The following ZFAND3 variants were observed in gnomAD, a reference collection of about 807,000 sequenced individuals.
ZFAND3 encodes zinc finger AN1-type containing 3, also known as AN1-type zinc finger protein 3.
Under a neutral mutation model 29.6 loss-of-function variants are expected in ZFAND3, and 10 were observed. That is an observed-to-expected ratio of 0.34 (90% confidence interval 0.21 to 0.57). The LOEUF is 0.57. ZFAND3 is among the 20% of genes least tolerant of loss of function. The probability of loss-of-function intolerance (pLI) is 0.86; values close to 1 mark genes in which losing one functional copy is unlikely to be tolerated. For missense variants in ZFAND3, 230 were observed against 304.5 expected, an observed-to-expected ratio of 0.76 and a Z score of 1.82; for synonymous variants, 128 against 112.6, an observed-to-expected ratio of 1.14 and a Z score of -0.87.
chr6:37,884,494 CAAAAAAA>C (rs58015486), intron 1 of ZFAND3, among the ~76,000 whole-genome samples: 2 of 53,840 alleles, frequency 3.7e-5, no homozygotes, highest in African/African-American at 1.1e-4. Context: ...AACTCTAGCT[CAAAAAAA>C]AAAAAAAAAA....
intron 5 of ZFAND3, among the ~76,000 whole-genome samples, chr6:38,138,736 A>G (rs74958299): frequency 0.067 from 10,264 of 152,314 alleles, 416 homozygotes; most frequent in Non-Finnish European, 0.087. Context: ...TTTGACTTGA[A>G]CAGCAGCTGG....
intron 1 of ZFAND3, among the ~76,000 whole-genome samples, chr6:37,840,521 AT>A (rs1764053068): frequency 6.6e-6 from 1 of 152,208 alleles, no homozygotes; most frequent in Non-Finnish European, 1.5e-5. Flanking sequence ...TTTATCAAGC[AT>A]GTTTTGGCTG....
chr6:37,822,947 G>GAGGA (rs1763693372), intron 1 of ZFAND3, among the ~76,000 whole-genome samples: 1 of 152,162 alleles, frequency 6.6e-6, no homozygotes, highest in African/African-American at 2.4e-5. Flanking sequence ...GGGGAATTGA[G>GAGGA]AGGAATTGGT....
intron 2 of ZFAND3, among the ~76,000 whole-genome samples, chr6:37,977,824 T>C (rs1462071609): frequency 1.2e-4 from 1 of 8,690 alleles, no homozygotes; most frequent in Non-Finnish European, 4.1e-4. Context: ...TTTTGTAAAA[T>C]GCTTTTCCTT....
At chr6:38,093,204 G>T (rs933479187) in intron 4 of ZFAND3, among the ~76,000 whole-genome samples, 4 of 152,208 alleles carry the variant, frequency 2.6e-5, no homozygotes, top group African/African-American at 9.7e-5. Flanking sequence ...TGTTCTGTGG[G>T]TAGTGGCCAG....
At chr6:37,992,034 A>G (rs1327570494) in intron 2 of ZFAND3, among the ~76,000 whole-genome samples, 1 of 152,182 alleles carries the variant, frequency 6.6e-6, no homozygotes. Context: ...TGTGATTTGC[A>G]TTTTTTTGAA....
At chr6:37,971,944 C>G (rs1762395390) in intron 2 of ZFAND3, among the ~76,000 whole-genome samples, 1 of 151,602 alleles carries the variant, frequency 6.6e-6, no homozygotes, top group Admixed American at 6.6e-5. Flanking sequence ...CACTGCACTC[C>G]AGCCTGGGCG....
chr6:37,833,462 A>G (rs1763901646), intron 1 of ZFAND3, among the ~76,000 whole-genome samples: 1 of 152,048 alleles, frequency 6.6e-6, no homozygotes, highest in Non-Finnish European at 1.5e-5. Flanking sequence ...ATGTTTTTCT[A>G]CTTTTTAATT....
chr6:37,917,695 G>C (rs532922749), intron 1 of ZFAND3, among the ~76,000 whole-genome samples: 1 of 152,244 alleles, frequency 6.6e-6, no homozygotes, highest in South Asian at 2.1e-4. Context: ...TGAACTTTGA[G>C]CTTCACTTGT....
At chr6:37,937,906 C>G (rs910077323) in intron 2 of ZFAND3, among the ~76,000 whole-genome samples, 3 of 152,152 alleles carry the variant, frequency 2.0e-5, no homozygotes, top group Non-Finnish European at 4.4e-5. Context: ...TGGTAGGTAT[C>G]TGTTGGATGG....
intron 2 of ZFAND3, among the ~76,000 whole-genome samples, chr6:38,043,531 C>T (rs1763835969): frequency 6.7e-6 from 1 of 149,944 alleles, no homozygotes; most frequent in African/African-American, 2.5e-5. Context: ...TCCTTTTCTC[C>T]CCTCTCCCCT....
intron 2 of ZFAND3, among the ~76,000 whole-genome samples, chr6:38,008,673 C>T (rs928187638): frequency 6.6e-6 from 1 of 152,052 alleles, no homozygotes; most frequent in African/African-American, 2.4e-5. Flanking sequence ...ATCTTCTTCC[C>T]TTTGTCCCCA....
chr6:38,073,328 C>T (rs984994440), intron 3 of ZFAND3, among the ~76,000 whole-genome samples: 5 of 143,632 alleles, frequency 3.5e-5, no homozygotes, highest in African/African-American at 1.3e-4. Flanking sequence ...GCTAGCTGAA[C>T]TATGTTTGAA....
At chr6:37,908,542 T>TAAAAAAAAAAA (rs70981504) in intron 1 of ZFAND3, among the ~76,000 whole-genome samples, 6 of 124,122 alleles carry the variant, frequency 4.8e-5, no homozygotes, top group Non-Finnish European at 6.6e-5. Flanking sequence ...AAAAAAAAAT[T>TAAAAAAAAAAA]AAAAAAAAAA....
At chr6:37,881,284 G>A (rs575092128) in intron 1 of ZFAND3, among the ~76,000 whole-genome samples, 3 of 152,132 alleles carry the variant, frequency 2.0e-5, no homozygotes, top group Non-Finnish European at 2.9e-5. Context: ...TGGGGTTTCC[G>A]TATGTTGACC....
chr6:37,910,181 C>G (rs1165495397), intron 1 of ZFAND3, among the ~76,000 whole-genome samples: 1 of 152,178 alleles, frequency 6.6e-6, no homozygotes, highest in Admixed American at 6.5e-5. Flanking sequence ...CCCTTATTCT[C>G]TTTTCTTACT....
Position 37,913,708 on chromosome 6 carries a change from C to CTTTT in ZFAND3, c.72-16235_72-16232dup, listed in dbSNP as rs56045448. Among the ~76,000 whole-genome samples the CTTTT allele has an allele frequency of 0.022, 2,522 of 112,948 alleles. 208 individuals carry two copies. The East Asian group carries it at 0.23, about 10-fold the overall frequency. 74.1% of individuals were successfully genotyped at this position (112,948 alleles called of 152,430 possible). On this transcript the variant is annotated intron_variant, in intron 1 of 5. Coordinates refer to ENST00000287218, the MANE Select transcript of ZFAND3 (RefSeq NM_021943.3). ...CCCAGCTGTCTATGGCAGCTATATTCTTTTTTTTTTTTTTTTTTTGAGACA... is the reference window on the plus strand; with the variant it reads ...CCCAGCTGTCTATGGCAGCTATATTCTTTTTTTTTTTTTTTTTTTTTTTGAGACA...
At chr6:38,126,537 TC>T (rs1490524970) in intron 5 of ZFAND3, among the ~76,000 whole-genome samples, 5 of 152,230 alleles carry the variant, frequency 3.3e-5, no homozygotes, top group Non-Finnish European at 5.9e-5. Context: ...TCCAGTTTCT[TC>T]CTGTTCTCGC....
At chr6:37,860,615 G>C (rs1226127063) in intron 1 of ZFAND3, among the ~76,000 whole-genome samples, 1 of 148,164 alleles carries the variant, frequency 6.7e-6, no homozygotes, top group Non-Finnish European at 1.5e-5. Context: ...GTGATGTTTA[G>C]TGCCAAGGGG....
Sources: gnomAD v4.1 joint callset for allele counts (sites outside exome capture counted in the v4.1 genomes callset) on GRCh38, gnomAD v4.1.1 for gene constraint, MANE v1.5 for transcripts, NCBI Gene and HGNC (gene_info 2026-07-23, HGNC 2026-07-21) for gene names.